The following MKI67 variants were observed in gnomAD, a reference collection of about 807,000 sequenced individuals.
MKI67 encodes marker of proliferation Ki-67.
Under a neutral mutation model 233.5 loss-of-function variants are expected in MKI67, and 152 were observed. That is an observed-to-expected ratio of 0.65 (90% CI 0.57 to 0.74). The LOEUF is 0.74. Ranked by LOEUF, MKI67 falls within the 30% of genes least tolerant of loss-of-function variation. The pLI is 0.00. For missense variants in MKI67, 3,940 were observed against 3,885.2 expected (o/e 1.01, Z -0.37); for synonymous variants, 1,465 against 1,418.5 (o/e 1.03, Z -0.74).
rs1251165561 is a variant in MKI67 at position 128,097,308 on chromosome 10, G to A, written c.*1882C>T. The A allele has an allele frequency of 6.6e-6, 1 of 152,174 alleles. No individual in the cohort carries two copies. The highest frequency in any genetic ancestry group is 6.5e-5 in the Admixed American group (1 of 15,282). 9.4% of individuals were successfully genotyped at this position (152,174 alleles called of 1,614,324 possible). Reference sequence around the variant, plus strand: ...CCCCAGTACCAAGGAGGGTTGTGTAGAAGTGGTGTTCATCTATTAAACACG... The same window carrying A: ...CCCCAGTACCAAGGAGGGTTGTGTAAAAGTGGTGTTCATCTATTAAACACG... On this transcript the variant is annotated 3_prime_UTR_variant, in exon 15 of 15. Transcript: ENST00000368654.
rs142378061 is a variant in MKI67, at chr10:128,126,234, G to C, written c.-225C>G. ...GCGCCCGCCACGCTCCGCACACACC[G>C]GGCCGCAGCCCGCGGGGTCGCGTTC... is the stretch of plus-strand genomic sequence containing the variant. On this transcript the variant is annotated 5_prime_UTR_variant, in exon 1 of 15. Coordinates refer to ENST00000368654, the MANE Select transcript of MKI67 (RefSeq NM_002417.5). The C allele has an allele frequency of 6.5e-6, 1 of 152,934 alleles. No homozygotes were observed. Among genetic ancestry groups the C allele is most frequent in the African/African-American group, 2.4e-5 (1 of 41,406 alleles). The allele number at this position is 152,934 out of a possible 1,614,324, so 9.5% of individuals were successfully genotyped here. A position where few individuals can be genotyped will look rare whatever the true frequency, so the allele number is the denominator to read the frequency against.
Position 128,097,351 on chromosome 10 carries a change from A to C in MKI67, c.*1839T>G, listed in dbSNP as rs1373733453. 6.6e-6 allele frequency: 1 copy of C among 152,172 alleles called. No homozygotes were observed. The highest frequency in any genetic ancestry group is 1.5e-5 in the Non-Finnish European group (1 of 68,040). 9.4% of individuals were successfully genotyped at this position (152,172 alleles called of 1,614,324 possible). A position where few individuals can be genotyped will look rare whatever the true frequency, so the allele number is the denominator to read the frequency against. On this transcript the variant is annotated 3_prime_UTR_variant, in exon 15 of 15. Transcript: ENST00000368654. ...TAAACACGGGGGTAGCCCTTAAATG[A>C]ACATTTTTAACCCATCATCAACAGC...
intron 4 of MKI67, among the ~76,000 whole-genome samples, chr10:128,119,782 A>G (rs562669050): frequency 2.2e-4 from 34 of 152,354 alleles, no homozygotes; most frequent in South Asian, 2.1e-4. Context: ...CACTTACACT[A>G]CAGGGTAACT....
At position 128,101,717 on chromosome 10, in the gene MKI67, G is replaced by C; in HGVS notation, c.9262-16C>G. 1.3e-6 allele frequency: 2 copies of C among 1,552,612 alleles called. No individual in the cohort carries two copies. Among genetic ancestry groups the C allele is most frequent in the Non-Finnish European group, 1.7e-6 (2 of 1,152,930 alleles). On this transcript the variant is annotated splice_polypyrimidine_tract_variant and intron_variant, in intron 13 of 14. Transcript: ENST00000368654. ...GGGATATTCCCTAAAGAAATGAGAA[G>C]ACATCCACAAAATTCCAATAATTAG...
rs369190529 is a variant in MKI67, at chr10:128,106,024, C to T, written c.5816G>A (p.Arg1939Lys). ...DLLGNLPGSK[R>K]RPQTPKEKAK... Reference sequence around the variant, plus strand: ...CTTTTCTTTAGGAGTTTGTGGCCGTCTCTTGCTGCCAGGTAAATTTCCTAG... The same window carrying T: ...CTTTTCTTTAGGAGTTTGTGGCCGTTTCTTGCTGCCAGGTAAATTTCCTAG... The change falls in exon 13 of 15, where the codon AGA becomes AAA. Residue 1939 changes from arginine to lysine, a missense_variant. Physicochemically the swap from Arg to Lys is conservative, Grantham distance 26 (BLOSUM62 2). Coordinates refer to ENST00000368654, the MANE Select transcript of MKI67 (RefSeq NM_002417.5). 100 of 1,614,168 alleles carry T rather than the reference C, an allele frequency of 6.2e-5. 2 individuals are homozygous for T. The South Asian group carries it at 9.2e-4, about 15-fold the overall frequency.
chr10:128,112,866 C>T (rs1353046572), intron 8 of MKI67, among the ~76,000 whole-genome samples: 6 of 152,114 alleles, frequency 3.9e-5, no homozygotes, highest in Admixed American at 6.5e-5. Context: ...AAAGAAAGAC[C>T]GCCCAGGCCC....
chr10:128,113,048 G>T (rs61414599), intron 8 of MKI67, among the ~76,000 whole-genome samples: 3 of 152,318 alleles, frequency 2.0e-5, no homozygotes, highest in East Asian at 3.9e-4. Flanking sequence ...CTATAGCCTT[G>T]TAACTCTAAA....
chr10:128,103,772 C>G lies in MKI67; in HGVS notation c.8068G>C (p.Gly2690Arg). The change falls in exon 13 of 15, where the codon GGT becomes CGT. Residue 2690 changes from glycine to arginine, a missense_variant. Transcript: ENST00000368654. ...GCAGTCAGTGATTCCTGAGTGTGAC[C>G]TGATGTTTCAGAGAGCTCTGTGAAG... ...AGFTELSETS[G>R]HTQESLTAGK... is the part of the protein sequence containing the mutation. 1.9e-6 allele frequency: 3 copies of G among 1,613,404 alleles called. No homozygotes were observed. In the East Asian group the frequency reaches 6.7e-5, roughly 36 times the overall value.
chr10:128,118,411 A>C (rs916569994), intron 5 of MKI67, among the ~76,000 whole-genome samples: 1 of 152,032 alleles, frequency 6.6e-6, no homozygotes, highest in African/African-American at 2.4e-5. Flanking sequence ...AAAAAAAAAA[A>C]AAAAAGGCAG....
Position 128,105,921 on chromosome 10 carries a change from A to G in MKI67, c.5919T>C (p.Asp1973=). ...TPGHTEESMT[D]DKITEVSCKS... ...TGCAGGATACTTCTGTGATTTTGTCATCGGTCATTGATTCCTCAGTGTGAC... is the reference window on the plus strand; with the variant it reads ...TGCAGGATACTTCTGTGATTTTGTCGTCGGTCATTGATTCCTCAGTGTGAC... Residue 1973 remains aspartate, a synonymous_variant, in exon 13 of 15, where the codon GAT becomes GAC. Coordinates refer to ENST00000368654, the MANE Select transcript of MKI67 (RefSeq NM_002417.5). 3 of 1,613,420 alleles carry G rather than the reference A, an allele frequency of 1.9e-6. No individual in the cohort carries two copies.
chr10:128,107,894 G>C lies in MKI67; in HGVS notation c.3946C>G (p.Pro1316Ala), dbSNP rs201996567. 5.1e-5 allele frequency: 83 copies of C among 1,613,586 alleles called. 1 individual carries two copies. In the African/African-American group the frequency reaches 8.8e-4, roughly 17 times the overall value. The change falls in exon 13 of 15, where the codon CCA becomes GCA. Residue 1316 changes from proline (P) to alanine (A), a missense_variant. Transcript: ENST00000368654. ...EKDIIIFVGTPVQKLDLTENL... is the reference protein window; with the variant it reads ...EKDIIIFVGTAVQKLDLTENL... ...TCTGTCAGGTCCAGTTTCTGCACTG[G>C]AGTTCCCACAAATATGATGATGTCT...
chr10:128,109,210 C>T lies in MKI67; in HGVS notation c.2630G>A (p.Arg877Lys), dbSNP rs1240322481. The change falls in exon 13 of 15, where the codon AGG becomes AAG. Residue 877 changes from arginine to lysine, a missense_variant. Transcript: ENST00000368654. ...CTGTATATTCCTGAACTCTGTAGAC[C>T]TTCCTGACCTGTTTGCAGTGGATAC... ...KTVSTANRSG[R>K]STEFRNIQKL... is the part of the protein sequence containing the mutation. 1 of 1,614,108 alleles carries T rather than the reference C, an allele frequency of 6.2e-7. No individual in the cohort carries two copies. The highest frequency in any genetic ancestry group is 8.5e-7 in the Non-Finnish European group (1 of 1,180,022).
chr10:128,101,171 GCTTTTT>G, intron 14 of MKI67, 81 bp downstream of exon 14: 2 of 1,271,698 alleles, frequency 1.6e-6, no homozygotes, highest in Non-Finnish European at 2.2e-6. Flanking sequence ...TGAAGATAAT[GCTTTTT>G]GTTTGCCTTT....
intron 14 of MKI67, among the ~76,000 whole-genome samples, chr10:128,099,765 G>GA (rs915013049): frequency 3.7e-4 from 56 of 152,260 alleles, no homozygotes; most frequent in Middle Eastern, 6.8e-3. Context: ...CTTCTTACTG[G>GA]AAAAAATCTA....
chr10:128,111,473 G>T (rs1590309160), intron 11 of MKI67, 172 bp downstream of exon 11: 1 of 609,700 alleles, frequency 1.6e-6, no homozygotes, highest in African/African-American at 1.9e-5. Flanking sequence ...ACTTGTCTTT[G>T]CAAGCCAAAA....
rs141915646 is a variant in MKI67, at chr10:128,113,570, G to A, written c.1513C>T (p.Arg505Cys). 3.4e-5 allele frequency: 55 copies of A among 1,614,006 alleles called. No individual in the cohort carries two copies. The highest frequency in any genetic ancestry group is 8.0e-5 in the African/African-American group (6 of 74,918). The change falls in exon 8 of 15, where the codon CGT (arginine) becomes TGT (cysteine). Residue 505 changes from arginine (R) to cysteine (C), a missense_variant. Transcript: ENST00000368654. The stretch of plus-strand genomic sequence containing the variant: ...CTTAGGTGCCCACCAAAGGACACAC[G>A]CCTTCTTTTCAAAGGTATTCCCTCA... ...ESEGIPLKRRRVSFGGHLRPE... is the reference protein window; with the variant it reads ...ESEGIPLKRRCVSFGGHLRPE...
In MKI67 at chr10:128,099,087, G is replaced by T. The variant is rs1438122630; in HGVS notation, c.*103C>A. ...AAAGTTTTCTTCCCTTAAGCAGACT[G>T]ACAGCCTTACTTACAGAATTCACTT... On this transcript the variant is annotated 3_prime_UTR_variant, in exon 15 of 15. Coordinates refer to ENST00000368654, the MANE Select transcript of MKI67 (RefSeq NM_002417.5). The T allele has an allele frequency of 1.1e-6, 1 of 875,832 alleles. No individual in the cohort carries two copies. The highest frequency in any genetic ancestry group is 1.7e-6 in the Non-Finnish European group (1 of 575,848). The allele number at this position is 875,832 out of a possible 1,614,324, so 54.3% of individuals were successfully genotyped here.
rs1852277395 is a variant in MKI67, at chr10:128,099,141, C to T, written c.*49G>A. 2.1e-6 allele frequency: 3 copies of T among 1,456,094 alleles called. No individual in the cohort carries two copies. Among genetic ancestry groups the T allele is most frequent in the Non-Finnish European group, 2.9e-6 (3 of 1,047,182 alleles). The allele number at this position is 1,456,094 out of a possible 1,614,324, so 90.2% of individuals were successfully genotyped here. On this transcript the variant is annotated 3_prime_UTR_variant, in exon 15 of 15. Coordinates refer to ENST00000368654, the MANE Select transcript of MKI67 (RefSeq NM_002417.5). ...ATTTATGACAAAAACTGCACTAGAA[C>T]TTATCACAAAACTAACTTTATTATA... is the stretch of plus-strand genomic sequence containing the variant.
chr10:128,123,052 A>G (rs1399963795), intron 3 of MKI67, 39 bp downstream of exon 3: 1 of 1,586,188 alleles, frequency 6.3e-7, no homozygotes, highest in South Asian at 1.1e-5. Context: ...AAAGTGAACT[A>G]AAAAGCTTTA....
Sources: allele counts gnomAD v4.1 joint callset (sites outside exome capture counted in the v4.1 genomes callset), GRCh38; gene constraint gnomAD v4.1.1; transcripts MANE v1.5; gene names NCBI Gene and HGNC (gene_info 2026-07-23, HGNC 2026-07-21).